CSRP1: variants seen among roughly 807,000 people sequenced by gnomAD.
CSRP1 encodes the protein cysteine and glycine rich protein 1.
Under a neutral mutation model 25.4 loss-of-function variants are expected in CSRP1, and 16 were observed. The observed-to-expected ratio is 0.63, with a 90% CI of 0.43 to 0.96. CSRP1 has a LOEUF of 0.96. CSRP1 is among the 40% of genes least tolerant of loss of function. The pLI is 0.00. For missense variants in CSRP1, 212 were observed against 243.6 expected (o/e 0.87, Z 0.86); for synonymous variants, 97 against 95.3 (o/e 1.02, Z -0.10).
chr1:201,485,550 G>A, intron 4 of CSRP1, 174 bp from the exon 5 acceptor site: 1 of 603,392 alleles, frequency 1.7e-6, no homozygotes. Context: ...AGAGGGAGAA[G>A]GCCAGGGACC....
At chr1:201,490,420 A>G (rs1664301552) in intron 2 of CSRP1, 76 bp from the exon 3 acceptor site, 2 of 1,462,970 alleles carry the variant, frequency 1.4e-6, no homozygotes, top group Non-Finnish European at 1.9e-6. Flanking sequence ...AGCTTCTTAC[A>G]GCTGAAGCTC....
At chr1:201,499,239 G>A (rs1410632372) in intron 1 of CSRP1, among the ~76,000 whole-genome samples, 9 of 152,186 alleles carry the variant, frequency 5.9e-5, no homozygotes, top group African/African-American at 1.2e-4. Context: ...TGTTATGGTC[G>A]GCCTGATCAT....
intron 3 of CSRP1, chr1:201,489,350 C>G (rs1342347374): frequency 5.8e-6 from 1 of 173,716 alleles, no homozygotes; most frequent in Admixed American, 6.0e-5. Flanking sequence ...GGGCAATGAC[C>G]TTGGCTGAAA....
intron 1 of CSRP1, among the ~76,000 whole-genome samples, chr1:201,501,566 G>A (rs1190192539): frequency 1.3e-5 from 2 of 152,180 alleles, no homozygotes; most frequent in Non-Finnish European, 2.9e-5. Flanking sequence ...CATTAGGACT[G>A]TACCCAGATC....
At position 201,488,917 on chromosome 1, in the gene CSRP1, C is replaced by T. The variant is rs761072367; in HGVS notation, c.349G>A (p.Glu117Lys). 4.3e-6 allele frequency: 7 copies of T among 1,614,140 alleles called. No individual in the cohort carries two copies. The highest frequency in any genetic ancestry group is 1.6e-4 in the Middle Eastern group (1 of 6,062). ...SKFAQKIGGSERCPRCSQAVY... is the reference protein window; with the variant it reads ...SKFAQKIGGSKRCPRCSQAVY... ...GCCTGGCTGCATCGGGGGCAGCGCT[C>T]GGAGCCACCAATCTTCTGGGCAAAT... is the stretch of plus-strand genomic sequence containing the variant. Residue 117 changes from glutamate to lysine, a missense_variant, in exon 4 of 6, where the codon GAG becomes AAG. Transcript: ENST00000340006.
chr1:201,506,037 CTG>C (rs1664814078), intron 1 of CSRP1, among the ~76,000 whole-genome samples: 1 of 152,204 alleles, frequency 6.6e-6, no homozygotes, highest in African/African-American at 2.4e-5. Flanking sequence ...CTGAAAGAAA[CTG>C]AGACATTGAG....
intron 5 of CSRP1, among the ~76,000 whole-genome samples, chr1:201,484,997 CT>C (rs930926165): frequency 6.6e-6 from 1 of 152,026 alleles, no homozygotes; most frequent in Non-Finnish European, 1.5e-5. Context: ...CCCATTGCCC[CT>C]GCCACCAAAA....
At chr1:201,496,163 A>C in intron 2 of CSRP1, 29 bp downstream of exon 2, 2 of 1,581,844 alleles carry the variant, frequency 1.3e-6, no homozygotes, top group South Asian at 2.2e-5. Context: ...TGTCCAAGGC[A>C]ACAGCAATAG....
chr1:201,494,423 A>G (rs2102409459), intron 2 of CSRP1, among the ~76,000 whole-genome samples: 1 of 152,308 alleles, frequency 6.6e-6, no homozygotes, highest in East Asian at 1.9e-4. Context: ...GAAATTCCTA[A>G]GAGTAGTGAA....
intron 4 of CSRP1, chr1:201,487,981 C>T (rs894081420): frequency 2.0e-5 from 3 of 152,336 alleles, no homozygotes; most frequent in Middle Eastern, 3.4e-3. Flanking sequence ...AAACCTGAAT[C>T]CAGAAGAGAT....
In CSRP1 at chr1:201,484,361, A is replaced by C; in HGVS notation, c.*352T>G. The C allele has an allele frequency of 2.0e-6, 1 of 499,190 alleles. No individual in the cohort carries two copies. The highest frequency in any genetic ancestry group is 5.2e-4 in the Middle Eastern group (1 of 1,910). The allele number at this position is 499,190 out of a possible 1,614,324, so 30.9% of individuals were successfully genotyped here. ...GTTGCTGCTGCTCCTCTGGGTGCCA[A>C]GATGTGTCCTCAGGTGTCTTGGTCA... On this transcript the variant is annotated 3_prime_UTR_variant, in exon 6 of 6. Coordinates refer to ENST00000340006, the MANE Select transcript of CSRP1 (RefSeq NM_004078.3).
At chr1:201,501,796 C>T (rs934575376) in intron 1 of CSRP1, among the ~76,000 whole-genome samples, 2 of 152,026 alleles carry the variant, frequency 1.3e-5, no homozygotes, top group Admixed American at 6.6e-5. Context: ...AGTTCGAGAC[C>T]GGCCTGGCCA....
chr1:201,500,800 G>A (rs1367106089), intron 1 of CSRP1, among the ~76,000 whole-genome samples: 2 of 152,212 alleles, frequency 1.3e-5, no homozygotes, highest in South Asian at 2.1e-4. Flanking sequence ...AATTCTGCCT[G>A]TAGGGAGGCC....
chr1:201,487,337 C>T (rs142701878), intron 4 of CSRP1: 1,677 of 159,734 alleles, frequency 0.01, 29 homozygotes, highest in African/African-American at 0.035. Context: ...CACTTGAACC[C>T]GGAAGGCAGA....
intron 1 of CSRP1, among the ~76,000 whole-genome samples, chr1:201,501,505 C>T (rs375378470): frequency 6.6e-6 from 1 of 152,188 alleles, no homozygotes; most frequent in East Asian, 1.9e-4. Context: ...AAACGGCTGG[C>T]GGCTAGAAGC....
In CSRP1 at chr1:201,501,799, C is replaced by T. The variant is rs187388935; in HGVS notation, c.-2+5271G>A. Among the ~76,000 whole-genome samples the T allele has an allele frequency of 3.0e-3, 458 of 152,050 alleles. 1 individual carries two copies. Among genetic ancestry groups the T allele is most frequent in the African/African-American group, 0.01 (434 of 41,458 alleles). On this transcript the variant is annotated intron_variant, in intron 1 of 5. Transcript: ENST00000340006. ...CTTGAGGTCAGGAGTTCGAGACCGGCCTGGCCAATGTAGTGAAACCCCATC... is the reference window on the plus strand; with the variant it reads ...CTTGAGGTCAGGAGTTCGAGACCGGTCTGGCCAATGTAGTGAAACCCCATC...
In CSRP1 at chr1:201,484,289, C is replaced by G. The variant is rs77890410; in HGVS notation, c.*424G>C. ...AATCTCTGAGATCCAAAAAACCCAG[C>G]CTTCCCCCCTCCTCATCTTGGTCTT... is the stretch of plus-strand genomic sequence containing the variant. On this transcript the variant is annotated 3_prime_UTR_variant, in exon 6 of 6. Transcript: ENST00000340006. 12 of 511,352 alleles carry G rather than the reference C, an allele frequency of 2.3e-5. No homozygotes were observed. The highest frequency in any genetic ancestry group is 9.4e-5 in the African/African-American group (5 of 53,086). 31.7% of individuals were successfully genotyped at this position (511,352 alleles called of 1,614,324 possible).
intron 2 of CSRP1, chr1:201,492,511 T>C (rs1458127540): frequency 1.3e-5 from 2 of 152,050 alleles, no homozygotes; most frequent in African/African-American, 4.8e-5. Flanking sequence ...AATAAATTTC[T>C]ACCATATCAT....
intron 3 of CSRP1, 141 bp downstream of exon 3, chr1:201,490,035 T>C: frequency 1.2e-6 from 1 of 818,034 alleles, no homozygotes; most frequent in Non-Finnish European, 1.9e-6. Context: ...ACATAGACAC[T>C]GCTCTGTGAC....
Sources: allele counts gnomAD v4.1 joint callset (sites outside exome capture counted in the v4.1 genomes callset), GRCh38; gene constraint gnomAD v4.1.1; transcripts MANE v1.5; gene names NCBI Gene and HGNC (gene_info 2026-07-23, HGNC 2026-07-21).